DACH1: variants seen among roughly 807,000 people sequenced by gnomAD.
DACH1 encodes the protein dachshund family transcription factor 1, also known as dachshund homolog 1.
Under a neutral mutation model 54.2 loss-of-function variants are expected in DACH1, and 12 were observed. That is an observed-to-expected ratio of 0.22 (90% CI 0.14 to 0.36). The LOEUF (loss-of-function observed/expected upper bound fraction) is 0.36, where lower values mean the gene tolerates loss of function less well. Among genes scored for constraint, DACH1 ranks in the 10% least tolerant of loss-of-function variants. DACH1 has a pLI of 1.00. For missense variants in DACH1, 805 were observed against 929.8 expected, an observed-to-expected ratio of 0.87 and a Z score of 1.75; for synonymous variants, 386 against 366.2, an observed-to-expected ratio of 1.05 and a Z score of -0.62.
intron 1 of DACH1, among the ~76,000 whole-genome samples, chr13:71,748,837 A>AT (rs996380692): frequency 6.0e-5 from 9 of 149,424 alleles, no homozygotes; most frequent in Admixed American, 2.7e-4. Flanking sequence ...TATAAAAAAT[A>AT]TTTTTTCTCT....
intron 6 of DACH1, among the ~76,000 whole-genome samples, chr13:71,543,491 T>A (rs1047544942): frequency 6.6e-6 from 1 of 152,084 alleles, no homozygotes; most frequent in South Asian, 2.1e-4. Flanking sequence ...AATGTTTCTA[T>A]TACTATGATT....
At chr13:71,816,869 A>T (rs1230723335) in intron 1 of DACH1, among the ~76,000 whole-genome samples, 1 of 151,946 alleles carries the variant, frequency 6.6e-6, no homozygotes, top group Non-Finnish European at 1.5e-5. Context: ...ATGAGAACAC[A>T]TGGACACATA....
At chr13:71,545,484 C>T (rs975085445) in intron 6 of DACH1, among the ~76,000 whole-genome samples, 27 of 138,774 alleles carry the variant, frequency 1.9e-4, no homozygotes, top group Non-Finnish European at 9.1e-5. Flanking sequence ...ATAGTTATCA[C>T]GATTTTTAAA....
chr13:71,531,406 A>C (rs549289953), intron 6 of DACH1, among the ~76,000 whole-genome samples: 1 of 152,128 alleles, frequency 6.6e-6, no homozygotes, highest in South Asian at 2.1e-4. Flanking sequence ...TTGTCCTTGA[A>C]TAAGTATATG....
intron 7 of DACH1, among the ~76,000 whole-genome samples, chr13:71,485,262 C>T (rs1421822219): frequency 1.3e-5 from 2 of 151,090 alleles, no homozygotes; most frequent in African/African-American, 2.4e-5. Context: ...AAAAAAAATG[C>T]CATATAGAAA....
intron 1 of DACH1, among the ~76,000 whole-genome samples, chr13:71,809,827 T>G (rs544191454): frequency 6.6e-6 from 1 of 152,250 alleles, no homozygotes; most frequent in South Asian, 2.1e-4. Flanking sequence ...AATATGAAGG[T>G]CTCAGTTCTA....
At chr13:71,607,054 T>TATTCCAC (rs1874931364) in intron 3 of DACH1, among the ~76,000 whole-genome samples, 1 of 152,032 alleles carries the variant, frequency 6.6e-6, no homozygotes, top group Non-Finnish European at 1.5e-5. Context: ...GTTTTACCTT[T>TATTCCAC]ATTCCACTTT....
chr13:71,554,543 A>G (rs1378033493), intron 6 of DACH1, among the ~76,000 whole-genome samples: 1 of 152,138 alleles, frequency 6.6e-6, no homozygotes, highest in African/African-American at 2.4e-5. Flanking sequence ...TTTCATATAA[A>G]TGTGCTTTAT....
chr13:71,795,817 G>T (rs1887023997), intron 1 of DACH1, among the ~76,000 whole-genome samples: 1 of 152,118 alleles, frequency 6.6e-6, no homozygotes, highest in African/African-American at 2.4e-5. Flanking sequence ...CTGCAATATT[G>T]TTGGAAGGAG....
At chr13:71,473,895 C>T (rs1179184029) in intron 10 of DACH1, among the ~76,000 whole-genome samples, 1 of 152,096 alleles carries the variant, frequency 6.6e-6, no homozygotes, top group African/African-American at 2.4e-5. Flanking sequence ...CTGGTTTTTT[C>T]ATTAACAGTA....
At chr13:71,708,577 A>G (rs1358540262) in intron 1 of DACH1, among the ~76,000 whole-genome samples, 1 of 152,092 alleles carries the variant, frequency 6.6e-6, no homozygotes, top group Non-Finnish European at 1.5e-5. Context: ...CATCAATACC[A>G]TTTATGAAAC....
intron 2 of DACH1, among the ~76,000 whole-genome samples, chr13:71,657,230 A>G (rs1879170237): frequency 6.6e-6 from 1 of 151,964 alleles, no homozygotes; most frequent in Non-Finnish European, 1.5e-5. Flanking sequence ...AGTATGGTGC[A>G]TTGTACATGG....
intron 10 of DACH1, among the ~76,000 whole-genome samples, chr13:71,450,189 T>TTTTG (rs1048635515): frequency 2.6e-4 from 40 of 151,990 alleles, no homozygotes; most frequent in Admixed American, 2.6e-4. Flanking sequence ...TTTTTTGGTT[T>TTTTG]TTTGTTTGTT....
intron 3 of DACH1, among the ~76,000 whole-genome samples, chr13:71,576,440 T>C (rs968930209): frequency 6.6e-6 from 1 of 152,064 alleles, no homozygotes; most frequent in Admixed American, 6.6e-5. Context: ...TTCTGAAAAA[T>C]AAGTTTGATG....
intron 3 of DACH1, among the ~76,000 whole-genome samples, chr13:71,596,369 A>C (rs1362170988): frequency 1.3e-5 from 2 of 152,124 alleles, no homozygotes; most frequent in Non-Finnish European, 2.9e-5. Flanking sequence ...TCTGCCCTCA[A>C]AGCGCTAATA....
chr13:71,761,842 C>G (rs1885413500), intron 1 of DACH1, among the ~76,000 whole-genome samples: 1 of 151,832 alleles, frequency 6.6e-6, no homozygotes, highest in Admixed American at 6.6e-5. Flanking sequence ...CAAGATAAAG[C>G]CATATGTGAT....
intron 4 of DACH1, among the ~76,000 whole-genome samples, chr13:71,565,261 A>G (rs1277694260): frequency 6.6e-6 from 1 of 152,156 alleles, no homozygotes; most frequent in Non-Finnish European, 1.5e-5. Flanking sequence ...GTTGACCAGC[A>G]CTTTATATAA....
intron 1 of DACH1, among the ~76,000 whole-genome samples, chr13:71,693,569 C>T (rs1055132746): frequency 6.0e-5 from 9 of 150,452 alleles, no homozygotes; most frequent in African/African-American, 1.5e-4. Flanking sequence ...CCGCCCGCCT[C>T]GGCCTCCCAA....
chr13:71,866,290 GCTACTGCTGCTGCTGCTA>G lies in DACH1; in HGVS notation c.462_479del (p.Ser158_Ser163del), dbSNP rs201831302. ...CGGGGAGGGGGCCGCAGCTGCTGCTGCTACTGCTGCTGCTGCTACTACTGCTGCTGCTGCTGCTGCTGC... is the reference window on the plus strand; with the variant it reads ...CGGGGAGGGGGCCGCAGCTGCTGCTGCTACTGCTGCTGCTGCTGCTGCTGC... On this transcript the variant is annotated inframe_deletion, in exon 1 of 11. Transcript: ENST00000613252. The G allele has an allele frequency of 8.3e-6, 13 of 1,571,462 alleles. No homozygotes were observed. Among genetic ancestry groups the G allele is most frequent in the East Asian group, 7.1e-5 (3 of 42,396 alleles).
Sources: allele counts gnomAD v4.1 joint callset (sites outside exome capture counted in the v4.1 genomes callset), GRCh38; gene constraint gnomAD v4.1.1; transcripts MANE v1.5; gene names NCBI Gene and HGNC (gene_info 2026-07-23, HGNC 2026-07-21).